Variants in DEFB128 observed in about 807,000 individuals in gnomAD.
DEFB128 encodes beta-defensin 128.
DEFB128 carries 1 observed loss-of-function variant against 2.4 expected under a neutral mutation model. The observed-to-expected ratio is 0.41, with a 90% CI of 0.15 to 1.96. DEFB128 has a LOEUF of 1.96. Among genes scored for constraint, DEFB128 ranks in the 30% most tolerant of loss-of-function variants. The pLI, the probability that DEFB128 is intolerant of heterozygous loss-of-function variation, is 0.30. For synonymous variants in DEFB128, 59 were observed against 39.1 expected (o/e 1.51, Z -1.89); for missense variants, 129 against 104.9 (o/e 1.23, Z -1.00).
rs771003927 is a variant in DEFB128, at chr20:188,111, TG to T, written c.56del (p.Ala19GlufsTer10). On this transcript the variant is annotated frameshift_variant, in exon 2 of 2. Transcript: ENST00000334391. LOFTEE classifies it low-confidence loss of function (END_TRUNC). ...ILLFEVLTDG[A>X]RLKKCFNKVT... ...CTTTATTGAAGCATTTTTTGAGTCT[TG>T]CCCCGTCTGTGCATAGGAAACAACA... The T allele has an allele frequency of 6.2e-7, 1 of 1,613,844 alleles. No individual in the cohort carries two copies. Among genetic ancestry groups the T allele is most frequent in the South Asian group, 1.1e-5 (1 of 91,078 alleles).
In DEFB128 at chr20:189,564, G is replaced by A. The variant is rs2011119587; in HGVS notation, c.49+11C>T. 4 of 1,612,214 alleles carry A rather than the reference G, an allele frequency of 2.5e-6. No homozygotes were observed. The highest frequency in any genetic ancestry group is 1.3e-5 in the African/African-American group (1 of 74,836). On this transcript the variant is annotated intron_variant, in intron 1 of 1. Coordinates refer to ENST00000334391, the MANE Select transcript of DEFB128 (RefSeq NM_001037732.3). ...TCTCTTAGGATGTTATAGTACATTT[G>A]GACAAGTTACCTGTGAGTACCTCAA...
In DEFB128 at chr20:188,144, C is replaced by T. The variant is rs746587740; in HGVS notation, c.50-26G>A. On this transcript the variant is annotated intron_variant, in intron 1 of 1. Transcript: ENST00000334391. ...CTGTGCATAGGAAACAACATTGAAC[C>T]AAGGTTAGTGCGTAAGGAAGAGCAG... 7.5e-6 allele frequency: 12 copies of T among 1,602,650 alleles called. No individual in the cohort carries two copies. The East Asian group carries it at 8.9e-5, about 12-fold the overall frequency.
chr20:189,370 G>C (rs6078051), intron 1 of DEFB128, among the ~76,000 whole-genome samples: 1 of 152,114 alleles, frequency 6.6e-6, no homozygotes, highest in Non-Finnish European at 1.5e-5. Flanking sequence ...CTTTTGAAAA[G>C]GACTCCTGAG....
At position 188,044 on chromosome 20, in the gene DEFB128, A is replaced by G. The variant is rs1300416798; in HGVS notation, c.124T>C (p.Tyr42His). The G allele has an allele frequency of 5.0e-6, 8 of 1,613,964 alleles. No individual in the cohort carries two copies. The highest frequency in any genetic ancestry group is 6.8e-6 in the Non-Finnish European group (8 of 1,179,966). The change falls in exon 2 of 2, where the codon TAT becomes CAT. Residue 42 changes from tyrosine (Y) to histidine (H), a missense_variant. Tyr to His is a moderately conservative substitution (Grantham distance 83). Transcript: ENST00000334391. ...TTCCCACTTAGACATCCTATTTCATATCTTTCTCCTACCTTGCATTTCTTC... is the reference window on the plus strand; with the variant it reads ...TTCCCACTTAGACATCCTATTTCATGTCTTTCTCCTACCTTGCATTTCTTC... ...CRKKCKVGER[Y>H]EIGCLSGKLC...
chr20:187,905 A>G lies in DEFB128; in HGVS notation c.263T>C (p.Ile88Thr), dbSNP rs114375218. 2.1e-3 allele frequency: 3,366 copies of G among 1,613,904 alleles called. 81 individuals carry two copies. In the African/African-American group the frequency reaches 0.04, roughly 19 times the overall value. Residue 88 changes from isoleucine (I) to threonine (T), a missense_variant, in exon 2 of 2, where the codon ATC becomes ACC. Ile to Thr is a moderately conservative substitution (Grantham distance 89, BLOSUM62 -1). Coordinates refer to ENST00000334391, the MANE Select transcript of DEFB128 (RefSeq NM_001037732.3). ...VLQDYIILPT[I>T]TIFTV ...TTAGGATTAGACTGTGAAAATGGTG[A>G]TGGTGGGTAAGATGATGTAATCCTG... is the stretch of plus-strand genomic sequence containing the variant.
chr20:188,011 A>C lies in DEFB128; in HGVS notation c.157T>G (p.Cys53Gly). Reference protein sequence around the residue: ...EIGCLSGKLCCANDEEEKKHV... With the variant: ...EIGCLSGKLCGANDEEEKKHV... ...TTTTTCTCTTCTTCATCATTAGCACAACATAATTTCCCACTTAGACATCCT... is the reference window on the plus strand; with the variant it reads ...TTTTTCTCTTCTTCATCATTAGCACCACATAATTTCCCACTTAGACATCCT... Residue 53 changes from cysteine (C) to glycine (G), a missense_variant, in exon 2 of 2, where the codon TGT becomes GGT. Transcript: ENST00000334391. 1 of 1,614,108 alleles carries C rather than the reference A, an allele frequency of 6.2e-7. No individual in the cohort carries two copies. Among genetic ancestry groups the C allele is most frequent in the South Asian group, 1.1e-5 (1 of 91,090 alleles).
In DEFB128 at chr20:188,105, G is replaced by A; in HGVS notation, c.63C>T (p.Leu21=). ...LFEVLTDGAR[L]KKCFNKVTGY... ...CTGTTACTTTATTGAAGCATTTTTT[G>A]AGTCTTGCCCCGTCTGTGCATAGGA... The change falls in exon 2 of 2, where the codon CTC becomes CTT. Residue 21 remains leucine (L), a synonymous_variant. Coordinates refer to ENST00000334391, the MANE Select transcript of DEFB128 (RefSeq NM_001037732.3). 6.2e-7 allele frequency: 1 copy of A among 1,613,716 alleles called. No homozygotes were observed.
intron 1 of DEFB128, among the ~76,000 whole-genome samples, chr20:188,323 C>T (rs184496372): frequency 6.6e-6 from 1 of 152,280 alleles, no homozygotes; most frequent in African/African-American, 2.4e-5. Flanking sequence ...GTCCAGTTGC[C>T]TCTGAGAACA....
intron 1 of DEFB128, among the ~76,000 whole-genome samples, chr20:188,914 T>A (rs1204880588): frequency 3.3e-5 from 5 of 152,118 alleles, no homozygotes; most frequent in Admixed American, 3.3e-4. Context: ...AGACATACTC[T>A]CCCTATCCTA....
At chr20:188,807 G>A (rs1052627714) in intron 1 of DEFB128, among the ~76,000 whole-genome samples, 13 of 152,258 alleles carry the variant, frequency 8.5e-5, no homozygotes, top group African/African-American at 3.1e-4. Flanking sequence ...CACCTTCTCA[G>A]AGTAATGCAC....
chr20:189,383 T>A (rs1377237368), intron 1 of DEFB128, among the ~76,000 whole-genome samples, 192 bp downstream of exon 1: 1 of 152,044 alleles, frequency 6.6e-6, no homozygotes, highest in Non-Finnish European at 1.5e-5. Context: ...CTCCTGAGAG[T>A]CCACTATAGC....
chr20:189,513 T>C, intron 1 of DEFB128, 62 bp downstream of exon 1: 1 of 1,547,014 alleles, frequency 6.5e-7, no homozygotes, highest in Non-Finnish European at 8.9e-7. Context: ...TTGAAAGTCC[T>C]GTTCCCACTC....
At position 189,571 on chromosome 20, in the gene DEFB128, T is replaced by G. The variant is rs2011119624; in HGVS notation, c.49+4A>C. On this transcript the variant is annotated splice_donor_region_variant and intron_variant, in intron 1 of 1. Coordinates refer to ENST00000334391, the MANE Select transcript of DEFB128 (RefSeq NM_001037732.3). Reference sequence around the variant, plus strand: ...GGATGTTATAGTACATTTGGACAAGTTACCTGTGAGTACCTCAAACAGCAG... The same window carrying G: ...GGATGTTATAGTACATTTGGACAAGGTACCTGTGAGTACCTCAAACAGCAG... 6.2e-7 allele frequency: 1 copy of G among 1,613,324 alleles called. No homozygotes were observed. Among genetic ancestry groups the G allele is most frequent in the Non-Finnish European group, 8.5e-7 (1 of 1,179,488 alleles).
At chr20:189,452 C>T in intron 1 of DEFB128, 123 bp downstream of exon 1, 1 of 1,111,708 alleles carries the variant, frequency 9.0e-7, no homozygotes, top group Non-Finnish European at 1.3e-6. Flanking sequence ...TCAAGTCAGG[C>T]AACCAGGAGA....
At chr20:189,450 G>T (rs6078053) in intron 1 of DEFB128, 125 bp downstream of exon 1, 4 of 1,091,006 alleles carry the variant, frequency 3.7e-6, no homozygotes, top group Admixed American at 4.1e-5. Flanking sequence ...ACTCAAGTCA[G>T]GCAACCAGGA....
intron 1 of DEFB128, among the ~76,000 whole-genome samples, 188 bp downstream of exon 1, chr20:189,387 C>G (rs926930859): frequency 3.3e-5 from 5 of 152,170 alleles, no homozygotes; most frequent in African/African-American, 9.7e-5. Flanking sequence ...TGAGAGTCCA[C>G]TATAGCCCTG....
intron 1 of DEFB128, among the ~76,000 whole-genome samples, chr20:188,745 G>A (rs558228079): frequency 1.3e-4 from 20 of 152,200 alleles, no homozygotes; most frequent in African/African-American, 4.8e-4. Context: ...TAAATGTGTT[G>A]CCCAGGGATC....
Position 188,137 on chromosome 20 carries a change from A to C in DEFB128, c.50-19T>G. 1 of 1,610,110 alleles carries C rather than the reference A, an allele frequency of 6.2e-7. No homozygotes were observed. The highest frequency in any genetic ancestry group is 8.5e-7 in the Non-Finnish European group (1 of 1,177,002). On this transcript the variant is annotated intron_variant, in intron 1 of 1. Coordinates refer to ENST00000334391, the MANE Select transcript of DEFB128 (RefSeq NM_001037732.3). ...GCCCCGTCTGTGCATAGGAAACAAC[A>C]TTGAACCAAGGTTAGTGCGTAAGGA... is the stretch of plus-strand genomic sequence containing the variant.
At position 189,553 on chromosome 20, in the gene DEFB128, ATAG is replaced by A; in HGVS notation, c.49+19_49+21del. On this transcript the variant is annotated intron_variant, in intron 1 of 1. Coordinates refer to ENST00000334391, the MANE Select transcript of DEFB128 (RefSeq NM_001037732.3). The stretch of plus-strand genomic sequence containing the variant: ...AAATAGTAATATCTCTTAGGATGTT[ATAG>A]TACATTTGGACAAGTTACCTGTGAG... The A allele has an allele frequency of 6.2e-7, 1 of 1,607,846 alleles. No homozygotes were observed. Among genetic ancestry groups the A allele is most frequent in the Non-Finnish European group, 8.5e-7 (1 of 1,174,408 alleles).
Sources: allele counts gnomAD v4.1 joint callset (sites outside exome capture counted in the v4.1 genomes callset), GRCh38; gene constraint gnomAD v4.1.1; transcripts MANE v1.5; gene names NCBI Gene and HGNC (gene_info 2026-07-23, HGNC 2026-07-21).